TRAPPC12: variants seen among roughly 807,000 people sequenced by gnomAD.
TRAPPC12 encodes the protein trafficking protein particle complex subunit 12.
TRAPPC12 carries 61 observed loss-of-function variants against 69.2 expected under a neutral mutation model. The ratio of observed to expected loss-of-function variants is 0.88; its 90% CI spans 0.72 to 1.09. The LOEUF is 1.09. Ranked by LOEUF, TRAPPC12 falls within the 50% of genes least tolerant of loss-of-function variation. TRAPPC12 has a pLI of 0.00. For missense variants in TRAPPC12, 1,101 were observed against 1,016.4 expected (o/e 1.08, Z -1.13); for synonymous variants, 469 against 438.9 (o/e 1.07, Z -0.86).
At position 3,434,655 on chromosome 2, in the gene TRAPPC12, T is replaced by C. The variant is rs1394141736; in HGVS notation, c.1418-9124T>C. Among the ~76,000 whole-genome samples, 7 of 152,194 alleles carry C rather than the reference T, an allele frequency of 4.6e-5. No individual in the cohort carries two copies. The East Asian group carries it at 1.3e-3, about 29-fold the overall frequency. On this transcript the variant is annotated intron_variant, in intron 5 of 11. Coordinates refer to ENST00000324266, the MANE Select transcript of TRAPPC12 (RefSeq NM_016030.6). ...GAGAGCCCAGCTTTTAGGTTCCCATTGAGGGAAGCATGAGAGAGGATTGTT... is the reference window on the plus strand; with the variant it reads ...GAGAGCCCAGCTTTTAGGTTCCCATCGAGGGAAGCATGAGAGAGGATTGTT...
chr2:3,470,398 C>T (rs1349974936), intron 9 of TRAPPC12, among the ~76,000 whole-genome samples: 6 of 152,272 alleles, frequency 3.9e-5, no homozygotes, highest in Non-Finnish European at 7.3e-5. Flanking sequence ...CCCCGGCAAA[C>T]GATGGCCTGC....
intron 7 of TRAPPC12, chr2:3,459,818 T>C: frequency 3.6e-6 from 1 of 280,356 alleles, no homozygotes; most frequent in Non-Finnish European, 6.9e-6. Context: ...TGGCTGGGCA[T>C]GGGTGGGGCC....
chr2:3,409,769 A>ATTTTTTTTTTTTTTTTTTTT (rs1325184612), intron 3 of TRAPPC12, among the ~76,000 whole-genome samples: 1 of 149,732 alleles, frequency 6.7e-6, no homozygotes, highest in Non-Finnish European at 1.5e-5. Context: ...AAAAAAAAAA[A>ATTTTTTTTTTTTTTTTTTTT]AAAAAAAAAG....
intron 6 of TRAPPC12, 141 bp downstream of exon 6, chr2:3,444,032 G>A (rs1664373820): frequency 2.1e-5 from 13 of 629,794 alleles, no homozygotes; most frequent in Middle Eastern, 4.0e-4. Context: ...TAGGTGACCC[G>A]GTTTGTGTGG....
At chr2:3,441,163 G>A (rs1020338025) in intron 5 of TRAPPC12, among the ~76,000 whole-genome samples, 4 of 151,876 alleles carry the variant, frequency 2.6e-5, no homozygotes, top group Admixed American at 6.5e-5. Flanking sequence ...TTCTTGTAAC[G>A]TCTTTGTCTG....
At chr2:3,454,433 G>A (rs1237446510) in intron 6 of TRAPPC12, among the ~76,000 whole-genome samples, 2 of 150,014 alleles carry the variant, frequency 1.3e-5, no homozygotes, top group African/African-American at 4.9e-5. Context: ...TAGCCTGCCT[G>A]GTGTCTCCGT....
At chr2:3,407,123 T>G (rs1661774667) in intron 3 of TRAPPC12, among the ~76,000 whole-genome samples, 1 of 152,246 alleles carries the variant, frequency 6.6e-6, no homozygotes, top group African/African-American at 2.4e-5. Context: ...GATTGTAATT[T>G]ACAGGGAAAT....
intron 1 of TRAPPC12, among the ~76,000 whole-genome samples, chr2:3,381,059 G>A (rs944641382): frequency 6.6e-6 from 1 of 152,228 alleles, no homozygotes; most frequent in African/African-American, 2.4e-5. Context: ...AGAAAGCGCT[G>A]TGTGGGTAGC....
At chr2:3,442,062 C>T (rs971667416) in intron 5 of TRAPPC12, among the ~76,000 whole-genome samples, 13 of 152,112 alleles carry the variant, frequency 8.5e-5, no homozygotes, top group Non-Finnish European at 1.8e-4. Context: ...TATTCCAGAT[C>T]GGAGTATTAA....
At chr2:3,439,544 CTGT>C (rs951310390) in intron 5 of TRAPPC12, among the ~76,000 whole-genome samples, 2 of 151,814 alleles carry the variant, frequency 1.3e-5, no homozygotes, top group Non-Finnish European at 2.9e-5. Context: ...CATACCTGGC[CTGT>C]TGTTGATTTT....
chr2:3,473,680 A>AG (rs1340261477), intron 9 of TRAPPC12, among the ~76,000 whole-genome samples: 1 of 152,212 alleles, frequency 6.6e-6, no homozygotes, highest in Non-Finnish European at 1.5e-5. Context: ...CATGTTGCCC[A>AG]GGCTGGTCTC....
chr2:3,465,444 G>GCAC (rs961821367), intron 8 of TRAPPC12, among the ~76,000 whole-genome samples, 153 bp from the exon 9 acceptor site: 4 of 152,200 alleles, frequency 2.6e-5, no homozygotes, highest in African/African-American at 9.6e-5. Flanking sequence ...TGGCAGCCGA[G>GCAC]CACCGCGTGC....
intron 9 of TRAPPC12, among the ~76,000 whole-genome samples, chr2:3,466,908 C>A (rs898424544): frequency 4.6e-5 from 7 of 152,220 alleles, no homozygotes; most frequent in Non-Finnish European, 8.8e-5. Flanking sequence ...GTAACATTAT[C>A]CCCTGGTTAT....
At chr2:3,402,536 A>G (rs1195914375) in intron 3 of TRAPPC12, among the ~76,000 whole-genome samples, 4 of 152,084 alleles carry the variant, frequency 2.6e-5, no homozygotes, top group Non-Finnish European at 4.4e-5. Flanking sequence ...TGGAGGTTGC[A>G]GTGAGCCGAG....
intron 3 of TRAPPC12, among the ~76,000 whole-genome samples, chr2:3,402,863 C>T (rs748798935): frequency 6.6e-6 from 1 of 152,192 alleles, no homozygotes; most frequent in Non-Finnish European, 1.5e-5. Context: ...TGGAATTGCT[C>T]TGCTAGCTCA....
At chr2:3,440,585 G>A (rs1218838989) in intron 5 of TRAPPC12, among the ~76,000 whole-genome samples, 1 of 152,002 alleles carries the variant, frequency 6.6e-6, no homozygotes, top group African/African-American at 2.4e-5. Flanking sequence ...TGTTCTTTGA[G>A]ATTGTTCTTT....
Position 3,479,224 on chromosome 2 carries a change from C to A in TRAPPC12, c.1971C>A (p.Asn657Lys). The A allele has an allele frequency of 6.2e-7, 1 of 1,613,232 alleles. No individual in the cohort carries two copies. The highest frequency in any genetic ancestry group is 2.2e-5 in the East Asian group (1 of 44,856). Residue 657 changes from asparagine (N) to lysine (K), a missense_variant, in exon 12 of 12, where the codon AAC (asparagine) becomes AAA (lysine). Transcript: ENST00000324266. ...GGGCGTGTGCTCCTCCCTAGGCCAACAACAACGCTGCCGTGTGTCTGCTCT... is the reference window on the plus strand; with the variant it reads ...GGGCGTGTGCTCCTCCCTAGGCCAAAAACAACGCTGCCGTGTGTCTGCTCT... ...LRMDPRNAVANNNAAVCLLYL... is the reference protein window; with the variant it reads ...LRMDPRNAVAKNNAAVCLLYL...
chr2:3,438,521 C>G (rs1664008345), intron 5 of TRAPPC12, among the ~76,000 whole-genome samples: 1 of 140,794 alleles, frequency 7.1e-6, no homozygotes, highest in African/African-American at 2.7e-5. Context: ...TCAATCCCCC[C>G]AATCCCCCTG....
intron 6 of TRAPPC12, among the ~76,000 whole-genome samples, chr2:3,446,517 A>G (rs1224648519): frequency 6.6e-6 from 1 of 152,196 alleles, no homozygotes; most frequent in Non-Finnish European, 1.5e-5. Flanking sequence ...CCTGTCCGCC[A>G]CCTTTGGCAG....
Sources: allele counts gnomAD v4.1 joint callset (sites outside exome capture counted in the v4.1 genomes callset), GRCh38; gene constraint gnomAD v4.1.1; transcripts MANE v1.5; gene names NCBI Gene and HGNC (gene_info 2026-07-23, HGNC 2026-07-21).